Variants in SRPK2 observed in about 807,000 individuals in gnomAD.
SRPK2 encodes SFRS protein kinase 2.
A neutral mutation model predicts 90.8 loss-of-function variants in SRPK2; 21 were observed. The observed-to-expected ratio is 0.23, with a 90% CI of 0.16 to 0.33. The LOEUF (loss-of-function observed/expected upper bound fraction) is 0.33, where lower values mean the gene tolerates loss of function less well. Among genes scored for constraint, SRPK2 ranks in the 10% least tolerant of loss-of-function variants. SRPK2 has a pLI of 1.00. For synonymous variants in SRPK2, 288 were observed against 311.1 expected (o/e 0.93, Z 0.78); for missense variants, 620 against 869.0 (o/e 0.71, Z 3.60).
chr7:105,316,461 C>G (rs1812322711), intron 2 of SRPK2, among the ~76,000 whole-genome samples: 1 of 152,174 alleles, frequency 6.6e-6, no homozygotes, highest in South Asian at 2.1e-4. Context: ...AGCACTTCAA[C>G]AGCAAACTAG....
intron 2 of SRPK2, among the ~76,000 whole-genome samples, chr7:105,354,833 C>G (rs186364415): frequency 1.3e-4 from 20 of 152,254 alleles, no homozygotes; most frequent in African/African-American, 4.3e-4. Flanking sequence ...TTACCAAAAT[C>G]AATTTTACAG....
At chr7:105,290,835 G>C (rs531780983) in intron 2 of SRPK2, among the ~76,000 whole-genome samples, 1 of 148,382 alleles carries the variant, frequency 6.7e-6, no homozygotes, top group Non-Finnish European at 1.5e-5. Context: ...TCAGAAGATC[G>C]AGACCATCCT....
intron 15 of SRPK2, among the ~76,000 whole-genome samples, chr7:105,125,418 C>T (rs556922004): frequency 1.3e-5 from 2 of 152,324 alleles, no homozygotes; most frequent in African/African-American, 4.8e-5. Context: ...TGTCCCTGGA[C>T]GTTCCCTAAG....
chr7:105,388,849 C>A lies in SRPK2; in HGVS notation c.-43G>T. The A allele has an allele frequency of 7.6e-7, 1 of 1,313,578 alleles. No homozygotes were observed. 81.4% of individuals were successfully genotyped at this position (1,313,578 alleles called of 1,614,324 possible). On this transcript the variant is annotated 5_prime_UTR_variant, in exon 1 of 16. Transcript: ENST00000393651. ...GGGGCGGGGGGCTTCGCGACGGCGA[C>A]GCGGGCGCCGAGACGAGCTGGGCTG...
chr7:105,374,209 G>A (rs762266763), intron 2 of SRPK2, among the ~76,000 whole-genome samples: 5 of 152,166 alleles, frequency 3.3e-5, no homozygotes, highest in Non-Finnish European at 7.3e-5. Context: ...TTACAGGCAT[G>A]AGCCACCGCG....
chr7:105,122,160 CA>C (rs1441826587), intron 15 of SRPK2, among the ~76,000 whole-genome samples: 1 of 152,184 alleles, frequency 6.6e-6, no homozygotes, highest in Non-Finnish European at 1.5e-5. Flanking sequence ...AAAATCAACT[CA>C]AAATAGGTCA....
intron 2 of SRPK2, among the ~76,000 whole-genome samples, chr7:105,313,329 C>T (rs1811932990): frequency 6.6e-6 from 1 of 151,582 alleles, no homozygotes; most frequent in Non-Finnish European, 1.5e-5. Context: ...CACCTGTAAT[C>T]CCAGCTACTC....
chr7:105,245,114 T>C, intron 2 of SRPK2: 2 of 605,804 alleles, frequency 3.3e-6, no homozygotes, highest in East Asian at 5.6e-5. Context: ...GGGAAAGAAA[T>C]AAAAATCTTT....
At chr7:105,163,602 C>T (rs1025511981) in intron 6 of SRPK2, among the ~76,000 whole-genome samples, 1 of 152,044 alleles carries the variant, frequency 6.6e-6, no homozygotes, top group Non-Finnish European at 1.5e-5. Context: ...CGAGACCAGC[C>T]TGACCCACAT....
intron 2 of SRPK2, among the ~76,000 whole-genome samples, chr7:105,253,030 A>G (rs1802698194): frequency 6.6e-6 from 1 of 152,196 alleles, no homozygotes; most frequent in South Asian, 2.1e-4. Flanking sequence ...GGCGTGAGCC[A>G]CCGCGCCCGA....
intron 7 of SRPK2, among the ~76,000 whole-genome samples, chr7:105,149,443 C>T (rs1285312058): frequency 6.6e-6 from 1 of 152,120 alleles, no homozygotes; most frequent in Non-Finnish European, 1.5e-5. Context: ...CCCTGCCCTC[C>T]TACTACATTC....
At chr7:105,121,294 A>G (rs2003506) in intron 15 of SRPK2, among the ~76,000 whole-genome samples, 54,670 of 151,410 alleles carry the variant, frequency 0.36, 10,074 homozygotes, top group African/African-American at 0.4. Flanking sequence ...GCAATGAGCC[A>G]AGATAGCATC....
intron 11 of SRPK2, among the ~76,000 whole-genome samples, chr7:105,137,473 C>T (rs1803024976): frequency 7.7e-6 from 1 of 130,542 alleles, no homozygotes; most frequent in Non-Finnish European, 1.6e-5. Context: ...GTGATAGGAG[C>T]ACGGAGGCTG....
chr7:105,153,545 T>C (rs1374653547), intron 7 of SRPK2, among the ~76,000 whole-genome samples: 2 of 152,158 alleles, frequency 1.3e-5, no homozygotes, highest in Admixed American at 6.5e-5. Context: ...GAGACTCCTC[T>C]AAAGACTGTC....
chr7:105,300,064 A>G (rs1478883531), intron 2 of SRPK2, among the ~76,000 whole-genome samples: 1 of 152,028 alleles, frequency 6.6e-6, no homozygotes, highest in Non-Finnish European at 1.5e-5. Flanking sequence ...TTAATTTTTA[A>G]AACACAGTAT....
rs149320766 is a variant in SRPK2 at position 105,325,815 on chromosome 7, C to T, written c.71+62833G>A. ...GGTGCAGTGAGCCTAGATCGCACAA[C>T]TGCACTCCAGCCTAAACAAGAGAAG... On this transcript the variant is annotated intron_variant, in intron 2 of 15. Transcript: ENST00000393651. 3.4e-3 allele frequency among the ~76,000 whole-genome samples: 516 copies of T among 152,338 alleles called. 1 individual carries two copies. The highest frequency in any genetic ancestry group is 4.9e-3 in the Non-Finnish European group (335 of 68,028).
chr7:105,383,489 C>T (rs961104736), intron 2 of SRPK2, among the ~76,000 whole-genome samples: 6 of 151,464 alleles, frequency 4.0e-5, no homozygotes, highest in African/African-American at 1.2e-4. Flanking sequence ...GGCATGATCT[C>T]GGCTCACCAC....
At chr7:105,330,951 G>A (rs116474137) in intron 2 of SRPK2, among the ~76,000 whole-genome samples, 1,878 of 152,144 alleles carry the variant, frequency 0.012, 48 homozygotes, top group African/African-American at 0.043. Context: ...CTGTGATTCT[G>A]CCACTGCATT....
rs1795168311 is a variant in SRPK2, at chr7:105,198,383, A to AGG, written c.229+5243_229+5244dup. On this transcript the variant is annotated intron_variant, in intron 3 of 15. Coordinates refer to ENST00000393651, the MANE Select transcript of SRPK2 (RefSeq NM_182692.3). ...TCATGAAACAAGCATGTATGACACA[A>AGG]GGCCTCCCGACAGTGTTTGTTTACA... Among the ~76,000 whole-genome samples the AGG allele has an allele frequency of 2.0e-5, 3 of 152,204 alleles. No individual in the cohort carries two copies. In the South Asian group the frequency reaches 6.2e-4, roughly 32 times the overall value.
Sources: allele counts gnomAD v4.1 joint callset (sites outside exome capture counted in the v4.1 genomes callset), GRCh38; gene constraint gnomAD v4.1.1; transcripts MANE v1.5; gene names NCBI Gene and HGNC (gene_info 2026-07-23, HGNC 2026-07-21).